Variants in ZNF676 observed in about 807,000 individuals in gnomAD.
ZNF676 encodes zinc finger protein 676.
ZNF676 carries 4 observed loss-of-function variants against 6.0 expected under a neutral mutation model. The ratio of observed to expected loss-of-function variants is 0.67; its 90% CI spans 0.33 to 1.53. ZNF676 has a LOEUF of 1.53. ZNF676 is among the 40% of genes most tolerant of loss of function. The pLI, the probability that ZNF676 is intolerant of heterozygous loss-of-function variation, is 0.06. For missense variants in ZNF676, 644 were observed against 679.7 expected, an observed-to-expected ratio of 0.95 and a Z score of 0.58; for synonymous variants, 198 against 223.1, an observed-to-expected ratio of 0.89 and a Z score of 1.00.
chr19:22,203,764 C>G (rs1483310692), intron 1 of ZNF676: 1 of 152,048 alleles, frequency 6.6e-6, no homozygotes, highest in Non-Finnish European at 1.5e-5. Context: ...CTGGCTAATT[C>G]TGTATTTTTG....
chr19:22,242,813 G>A, the ZNF676 span, among the ~76,000 whole-genome samples: 39,936 of 150,298 alleles, frequency 0.27, 5,819 homozygotes, highest in South Asian at 0.44. Flanking sequence ...CTAGAAACTA[G>A]GCTAGATTAT....
intron 1 of ZNF676, among the ~76,000 whole-genome samples, chr19:22,206,801 T>C (rs1315166433): frequency 6.6e-6 from 1 of 152,046 alleles, no homozygotes; most frequent in Admixed American, 6.6e-5. Flanking sequence ...CATACACGAA[T>C]CAATAAATGT....
Position 22,190,596 on chromosome 19 carries a change from G to C in ZNF676, c.130+2420C>G, listed in dbSNP as rs1388923322. Among the ~76,000 whole-genome samples the C allele has an allele frequency of 1.4e-4, 11 of 81,178 alleles. No homozygotes were observed. In the Admixed American group the frequency reaches 1.7e-3, roughly 13 times the overall value. 53.3% of individuals were successfully genotyped at this position (81,178 alleles called of 152,430 possible). On this transcript the variant is annotated intron_variant, in intron 2 of 2. Coordinates refer to ENST00000397121, the MANE Select transcript of ZNF676 (RefSeq NM_001001411.3). ...ATTAAAACAATCTGGTTAAGTATAA[G>C]GATGAAAAATTAGACTAATAAAATA...
the ZNF676 span, among the ~76,000 whole-genome samples, chr19:22,255,853 T>C: frequency 2.9e-5 from 4 of 138,296 alleles, no homozygotes; most frequent in African/African-American, 5.9e-5. Flanking sequence ...AGAGCAAGAC[T>C]CCATCTCAAA....
the ZNF676 span, among the ~76,000 whole-genome samples, chr19:22,255,391 C>T: frequency 4.6e-5 from 7 of 152,130 alleles, no homozygotes; most frequent in African/African-American, 9.7e-5. Context: ...TAGGGCTTTA[C>T]ATGGTTTGCA....
the ZNF676 span, among the ~76,000 whole-genome samples, chr19:22,238,628 C>A: frequency 6.6e-6 from 1 of 152,084 alleles, no homozygotes; most frequent in African/African-American, 2.4e-5. Context: ...AGTCAGGGTT[C>A]TCCAGAGGGA....
At chr19:22,251,523 C>T in the ZNF676 span, among the ~76,000 whole-genome samples, 66 of 152,316 alleles carry the variant, frequency 4.3e-4, no homozygotes, top group African/African-American at 1.3e-3. Flanking sequence ...GGCACGGTGG[C>T]TCATGCCTGT....
the ZNF676 span, among the ~76,000 whole-genome samples, chr19:22,239,265 G>A: frequency 3.0e-4 from 43 of 144,890 alleles, no homozygotes; most frequent in African/African-American, 7.9e-4. Context: ...GCAGTGGCAC[G>A]ATCTGGGCTC....
chr19:22,186,733 C>T (rs1361785333), intron 2 of ZNF676, among the ~76,000 whole-genome samples: 1 of 152,148 alleles, frequency 6.6e-6, no homozygotes, highest in Admixed American at 6.5e-5. Flanking sequence ...GGCTGCAATT[C>T]TATTCTCTGA....
At chr19:22,231,828 T>C in the ZNF676 span, among the ~76,000 whole-genome samples, 4 of 151,908 alleles carry the variant, frequency 2.6e-5, no homozygotes, top group African/African-American at 7.3e-5. Flanking sequence ...TCTCGATCTC[T>C]TGACCTTGTG....
upstream of ZNF676, among the ~76,000 whole-genome samples, chr19:22,220,468 T>G (rs2606263): frequency 1.8e-4 from 27 of 147,864 alleles, no homozygotes; most frequent in Admixed American, 8.7e-4. Context: ...GCAGTTTTTT[T>G]TTTTTTTTTT....
upstream of ZNF676, among the ~76,000 whole-genome samples, chr19:22,216,809 C>A (rs968329395): frequency 1.3e-5 from 2 of 151,430 alleles, no homozygotes; most frequent in Non-Finnish European, 2.9e-5. Context: ...GGTAGCCTCA[C>A]CCTGTAGTAC....
the ZNF676 span, among the ~76,000 whole-genome samples, chr19:22,259,260 G>C: frequency 1.3e-5 from 2 of 152,158 alleles, no homozygotes; most frequent in South Asian, 4.1e-4. Context: ...AATGCTCCCT[G>C]TGGGCAGGAC....
chr19:22,189,197 C>T (rs1433960549), intron 2 of ZNF676, among the ~76,000 whole-genome samples: 1 of 151,866 alleles, frequency 6.6e-6, no homozygotes, highest in Admixed American at 6.6e-5. Flanking sequence ...TCAGAAATAA[C>T]CTCACACATC....
chr19:22,182,668 GAAA>G (rs55861617), intron 2 of ZNF676, among the ~76,000 whole-genome samples: 54 of 132,306 alleles, frequency 4.1e-4, no homozygotes, highest in African/African-American at 1.4e-3. Flanking sequence ...CTGCCTAAAA[GAAA>G]AAAAAAAAAA....
At chr19:22,253,110 T>C in the ZNF676 span, among the ~76,000 whole-genome samples, 2 of 152,124 alleles carry the variant, frequency 1.3e-5, no homozygotes, top group Non-Finnish European at 2.9e-5. Flanking sequence ...ACAGATATGC[T>C]GGATCTTGGT....
upstream of ZNF676, among the ~76,000 whole-genome samples, chr19:22,220,314 GT>G (rs1448667397): frequency 6.6e-6 from 1 of 152,054 alleles, no homozygotes; most frequent in African/African-American, 2.4e-5. Context: ...TGGTATTAGA[GT>G]GATACTGGCT....
chr19:22,241,469 A>T, the ZNF676 span, among the ~76,000 whole-genome samples: 2 of 151,942 alleles, frequency 1.3e-5, no homozygotes, highest in South Asian at 4.2e-4. Context: ...ATAAGAGTTA[A>T]TTCTTCAACT....
At chr19:22,214,239 G>A (rs1165493261) in intron 1 of ZNF676, among the ~76,000 whole-genome samples, 1 of 152,140 alleles carries the variant, frequency 6.6e-6, no homozygotes, top group Non-Finnish European at 1.5e-5. Flanking sequence ...CAAGGAAACA[G>A]CAGTTCCCTG....
Sources: allele counts gnomAD v4.1 joint callset (sites outside exome capture counted in the v4.1 genomes callset), GRCh38; gene constraint gnomAD v4.1.1; transcripts MANE v1.5; gene names NCBI Gene and HGNC (gene_info 2026-07-23, HGNC 2026-07-21).